The following RYR1 variants were observed in gnomAD, a reference collection of about 807,000 sequenced individuals.
RYR1 encodes the protein central core disease of muscle.
In RYR1, 342 loss-of-function variants were observed where a neutral mutation model predicts 583.5. That is an observed-to-expected ratio of 0.59 (90% CI 0.54 to 0.64). RYR1 has a LOEUF of 0.64. RYR1 is among the 30% of genes least tolerant of loss of function. The pLI is 0.00. For synonymous variants in RYR1, 2,791 were observed against 2,822.5 expected (o/e 0.99, Z 0.35); for missense variants, 6,032 against 6,917.2 (o/e 0.87, Z 4.54).
chr19:38,500,154 G>T lies in RYR1; in HGVS notation c.7323+138G>T. 1.2e-6 allele frequency: 1 copy of T among 801,968 alleles called. No individual in the cohort carries two copies. The highest frequency in any genetic ancestry group is 2.1e-6 in the Non-Finnish European group (1 of 478,010). 49.7% of individuals were successfully genotyped at this position (801,968 alleles called of 1,614,324 possible). On this transcript the variant is annotated intron_variant, in intron 45 of 105. Transcript: ENST00000359596. This position sits in a 1 kb window ranked among gnomAD's most constrained non-coding sequence, Gnocchi z 5.9. ...GACTAGCAATGTTGGGGACACAACA[G>T]TGACCAAGACAGCCCCAGGGCCTGG...
chr19:38,497,008 C>G, intron 42 of RYR1, 54 bp downstream of exon 42: 3 of 1,501,158 alleles, frequency 2.0e-6, no homozygotes, highest in Non-Finnish European at 2.8e-6. Context: ...GGGCCGCTAC[C>G]CGGCTGCTTG....
chr19:38,564,795 C>T (rs955175134), intron 90 of RYR1, among the ~76,000 whole-genome samples, 164 bp from the exon 91 acceptor site: 9 of 152,302 alleles, frequency 5.9e-5, no homozygotes, highest in Middle Eastern at 3.4e-3. Flanking sequence ...TGATTACAGG[C>T]GGAGCCACCG....
Position 38,444,922 on chromosome 19 carries a change from G to T in RYR1, c.631+245G>T, listed in dbSNP as rs1380039001. On this transcript the variant is annotated intron_variant, in intron 7 of 105. Transcript: ENST00000359596. This position sits in a 1 kb window ranked among gnomAD's most constrained non-coding sequence, Gnocchi z 5.1. ...AGACCCCAAAGTATTAGCCCCCAAGGCTCCTAAACTCAGATTCAAATCTTA... is the reference window on the plus strand; with the variant it reads ...AGACCCCAAAGTATTAGCCCCCAAGTCTCCTAAACTCAGATTCAAATCTTA... Among the ~76,000 whole-genome samples the T allele has an allele frequency of 3.3e-5, 5 of 151,188 alleles. No homozygotes were observed. Among genetic ancestry groups the T allele is most frequent in the Admixed American group, 6.6e-5 (1 of 15,150 alleles).
At chr19:38,489,103 C>G in intron 34 of RYR1, 74 bp from the exon 35 acceptor site, 1 of 1,328,738 alleles carries the variant, frequency 7.5e-7, no homozygotes, top group Non-Finnish European at 1.1e-6. Flanking sequence ...AGGGGCAGGT[C>G]TGGAGAATGA....
At chr19:38,503,772 CA>C (rs11375717) in intron 49 of RYR1, among the ~76,000 whole-genome samples, 449 of 129,410 alleles carry the variant, frequency 3.5e-3, no homozygotes, top group Middle Eastern at 4.2e-3. Context: ...GACTCCACCT[CA>C]AAAAAAAAAA....
intron 58 of RYR1, among the ~76,000 whole-genome samples, chr19:38,509,655 C>T (rs1258190428): frequency 6.6e-6 from 1 of 151,914 alleles, no homozygotes; most frequent in Non-Finnish European, 1.5e-5. Flanking sequence ...GATGGGGTTT[C>T]ACCATGTTGG....
rs142792817 is a variant in RYR1, at chr19:38,511,289, C to T, written c.9123-272C>T. 3.9e-3 allele frequency among the ~76,000 whole-genome samples: 590 copies of T among 152,104 alleles called. 7 individuals are homozygous for T. The highest frequency in any genetic ancestry group is 0.014 in the African/African-American group (561 of 41,500). ...CCAGCCTGGGTGACAGAGCAAGACCCTGTCTAAAAAAAATAAACAAACAAA... is the reference window on the plus strand; with the variant it reads ...CCAGCCTGGGTGACAGAGCAAGACCTTGTCTAAAAAAAATAAACAAACAAA... On this transcript the variant is annotated intron_variant, in intron 60 of 105. Coordinates refer to ENST00000359596, the MANE Select transcript of RYR1 (RefSeq NM_000540.3).
chr19:38,466,374 A>T lies in RYR1; in HGVS notation c.3154A>T (p.Ile1052Phe). 6.4e-7 allele frequency: 1 copy of T among 1,557,990 alleles called. No homozygotes were observed. Among genetic ancestry groups the T allele is most frequent in the Non-Finnish European group, 8.7e-7 (1 of 1,153,926 alleles). Residue 1052 changes from isoleucine (I) to phenylalanine (F), a missense_variant, in exon 24 of 106, where the codon ATC becomes TTC. Ile to Phe is a conservative substitution (Grantham distance 21, BLOSUM62 0). Transcript: ENST00000359596. ...VRTLLGYGYN[I>F]EPPDQEPSQV... ...CACCCTCCTGGGCTACGGCTACAAC[A>T]TCGAGCCTCCTGACCAGGAGCCCAG...
Position 38,500,237 on chromosome 19 carries a change from G to A in RYR1, c.7323+221G>A, listed in dbSNP as rs539663553. Among the ~76,000 whole-genome samples the A allele has an allele frequency of 2.0e-5, 3 of 152,110 alleles. No homozygotes were observed. The East Asian group carries it at 5.8e-4, about 29-fold the overall frequency. ...GGACAGTGACACCCAGAGTGGTCAG[G>A]GCTGGGATGGGGGAGCACAGGAAGA... On this transcript the variant is annotated intron_variant, in intron 45 of 105. Transcript: ENST00000359596. The surrounding 1 kb of genome is among the most constrained non-coding windows in gnomAD (Gnocchi z 5.9).
In RYR1 at chr19:38,529,076, G is replaced by C; in HGVS notation, c.11141+19G>C. On this transcript the variant is annotated intron_variant, in intron 76 of 105. Coordinates refer to ENST00000359596, the MANE Select transcript of RYR1 (RefSeq NM_000540.3). ...AAAAGAGGTGAAGACTCTTGCCAGG[G>C]CCCCAGAAATGCCCCCAAGGTCCTG... 1 of 1,612,484 alleles carries C rather than the reference G, an allele frequency of 6.2e-7. No individual in the cohort carries two copies.
chr19:38,496,190 C>T lies in RYR1; in HGVS notation c.6549-25C>T, dbSNP rs1969813443. 2 of 1,600,638 alleles carry T rather than the reference C, an allele frequency of 1.2e-6. No individual in the cohort carries two copies. Among genetic ancestry groups the T allele is most frequent in the Non-Finnish European group, 8.6e-7 (1 of 1,169,576 alleles). On this transcript the variant is annotated intron_variant, in intron 39 of 105. Transcript: ENST00000359596. The surrounding 1 kb of genome is among the most constrained non-coding windows in gnomAD (Gnocchi z 4.8). The stretch of plus-strand genomic sequence containing the variant: ...CTCTCCGGACCTGGGCCCCTGGTGA[C>T]CCCGCACACTCTGCCCGTGCACAGG...
chr19:38,562,603 A>G (rs576944590), intron 90 of RYR1, among the ~76,000 whole-genome samples: 126 of 152,190 alleles, frequency 8.3e-4, no homozygotes, highest in African/African-American at 3.0e-3. Context: ...TGTCCCACAC[A>G]GAGCCCTGTC....
In RYR1 at chr19:38,512,623, A is replaced by G. The variant is rs16972685; in HGVS notation, c.9472+140A>G. 32,128 of 840,784 alleles carry G rather than the reference A, an allele frequency of 0.038. 931 individuals are homozygous for G. The highest frequency in any genetic ancestry group is 0.11 in the South Asian group (7,319 of 66,938). The allele number at this position is 840,784 out of a possible 1,614,324, so 52.1% of individuals were successfully genotyped here. ...CAAAGCATGCAGTCAGTACCTTGGC[A>G]GGTGGCAAATGAGTTAATGAGGACG... is the stretch of plus-strand genomic sequence containing the variant. On this transcript the variant is annotated intron_variant, in intron 63 of 105. Transcript: ENST00000359596. The surrounding 1 kb of genome is among the most constrained non-coding windows in gnomAD (Gnocchi z 5.1).
intron 1 of RYR1, among the ~76,000 whole-genome samples, 154 bp from the exon 2 acceptor site, chr19:38,440,591 A>G (rs1411899305): frequency 6.6e-6 from 1 of 152,200 alleles, no homozygotes; most frequent in Non-Finnish European, 1.5e-5. Context: ...TATCTCAAGG[A>G]GTTGTCAGGA....
Position 38,527,741 on chromosome 19 carries a change from G to T in RYR1, c.10781G>T (p.Arg3594Leu). Residue 3594 changes from arginine to leucine, a missense_variant, in exon 73 of 106, where the codon CGC (arginine) becomes CTC (leucine). Physicochemically the swap from Arg to Leu is moderately radical, Grantham distance 102 (BLOSUM62 -2). Around this residue, in one of 11 missense-constraint regions of RYR1, gnomAD observed 1,493 missense variants for 1,715.5 expected, o/e 0.87. Coordinates refer to ENST00000359596, the MANE Select transcript of RYR1 (RefSeq NM_000540.3). ...GCCGATGACCCCGAGAAAATCGTGC[G>T]CAGAGTCCAGGAAGTGTCAGCCGTG... is the stretch of plus-strand genomic sequence containing the variant. Reference protein sequence around the residue: ...EDADDPEKIVRRVQEVSAVLY... With the variant: ...EDADDPEKIVLRVQEVSAVLY... 6.2e-7 allele frequency: 1 copy of T among 1,614,048 alleles called. No homozygotes were observed. The highest frequency in any genetic ancestry group is 8.5e-7 in the Non-Finnish European group (1 of 1,180,006).
At chr19:38,507,377 C>G in intron 57 of RYR1, among the ~76,000 whole-genome samples, 1 of 57,454 alleles carries the variant, frequency 1.7e-5, no homozygotes, top group Non-Finnish European at 3.2e-5. Context: ...CAGGCGGGGC[C>G]AGAGAGGGGT....
At chr19:38,507,616 G>C (rs553531175) in intron 57 of RYR1, 96 bp from the exon 58 acceptor site, 5 of 824,304 alleles carry the variant, frequency 6.1e-6, no homozygotes, top group Non-Finnish European at 1.1e-5. Flanking sequence ...AAAGCTGATA[G>C]AGACGGGGCC....
At chr19:38,456,227 A>C (rs189345609) in intron 16 of RYR1, among the ~76,000 whole-genome samples, 58 of 143,818 alleles carry the variant, frequency 4.0e-4, no homozygotes, top group African/African-American at 1.5e-3. Flanking sequence ...CGTCCACCTC[A>C]GCCTCCCAAA....
chr19:38,572,098 G>T lies in RYR1; in HGVS notation c.13826G>T (p.Ser4609Ile). Reference protein sequence around the residue: ...GDVSGAGSGGSSGWGLGAGEE... With the variant: ...GDVSGAGSGGISGWGLGAGEE... ...GTGTCAGGTGCAGGCTCTGGTGGCA[G>T]CTCTGGCTGGGGCTTGGGGGCCGGA... Residue 4609 changes from serine to isoleucine, a missense_variant, in exon 95 of 106, where the codon AGC becomes ATC. This residue lies in a region of RYR1 where 35 missense variants were observed against 66.0 expected (regional missense o/e 0.53). Coordinates refer to ENST00000359596, the MANE Select transcript of RYR1 (RefSeq NM_000540.3). 6.2e-7 allele frequency: 1 copy of T among 1,614,208 alleles called. No homozygotes were observed. Among genetic ancestry groups the T allele is most frequent in the Non-Finnish European group, 8.5e-7 (1 of 1,180,034 alleles).
Sources: allele counts gnomAD v4.1 joint callset (sites outside exome capture counted in the v4.1 genomes callset), GRCh38; gene constraint gnomAD v4.1.1; regional missense constraint gnomAD v4.1.1; non-coding constraint Gnocchi (gnomAD v3.1); transcripts MANE v1.5; gene names NCBI Gene and HGNC (gene_info 2026-07-23, HGNC 2026-07-21).